RBMS3: variants seen among roughly 807,000 people sequenced by gnomAD.
RBMS3 encodes RNA-binding motif, single-stranded-interacting protein 3.
RBMS3 carries 27 observed loss-of-function variants against 66.8 expected under a neutral mutation model. The observed-to-expected ratio is 0.40, with a 90% CI of 0.30 to 0.56. The LOEUF (loss-of-function observed/expected upper bound fraction) is 0.56. Among genes scored for constraint, RBMS3 ranks in the 20% least tolerant of loss-of-function variants. The pLI, the probability that RBMS3 is intolerant of heterozygous loss-of-function variation, is 0.40. For missense variants in RBMS3, 513 were observed against 549.5 expected (o/e 0.93, Z 0.66); for synonymous variants, 188 against 183.0 (o/e 1.03, Z -0.22).
intron 5 of RBMS3, among the ~76,000 whole-genome samples, chr3:29,758,324 C>A (rs763035634): frequency 6.6e-6 from 1 of 152,180 alleles, no homozygotes; most frequent in Non-Finnish European, 1.5e-5. Context: ...GACAACAGTT[C>A]TATTCCAGGC....
intron 6 of RBMS3, among the ~76,000 whole-genome samples, chr3:29,801,124 ATTAT>A (rs2057374764): frequency 6.6e-6 from 1 of 152,078 alleles, no homozygotes; most frequent in Admixed American, 6.6e-5. Context: ...GAAGTTTTAC[ATTAT>A]TTATTTAAAG....
At chr3:29,367,548 G>C (rs1171281586) in intron 1 of RBMS3, among the ~76,000 whole-genome samples, 1 of 152,018 alleles carries the variant, frequency 6.6e-6, no homozygotes, top group African/African-American at 2.4e-5. Context: ...TTTATAATCA[G>C]AAACACATAA....
chr3:29,607,463 T>C (rs1411711942), intron 4 of RBMS3, among the ~76,000 whole-genome samples: 1 of 151,888 alleles, frequency 6.6e-6, no homozygotes, highest in Non-Finnish European at 1.5e-5. Context: ...TTTATAAGGA[T>C]ATTATTCCCA....
chr3:29,528,355 T>A (rs1433299016), intron 3 of RBMS3, among the ~76,000 whole-genome samples: 1 of 151,916 alleles, frequency 6.6e-6, no homozygotes, highest in Non-Finnish European at 1.5e-5. Context: ...TCAAGTGATC[T>A]GCCTGCCTTG....
At chr3:29,480,939 A>G (rs1019105215) in intron 2 of RBMS3, among the ~76,000 whole-genome samples, 1 of 152,180 alleles carries the variant, frequency 6.6e-6, no homozygotes, top group Non-Finnish European at 1.5e-5. Flanking sequence ...CTTTTGAGAC[A>G]GGAGAATGGC....
chr3:29,998,657 C>A (rs1244733059), intron 14 of RBMS3, among the ~76,000 whole-genome samples: 1 of 152,148 alleles, frequency 6.6e-6, no homozygotes, highest in South Asian at 2.1e-4. Context: ...CAAAAACAAG[C>A]AATGGGGAAA....
intron 3 of RBMS3, among the ~76,000 whole-genome samples, chr3:29,545,119 A>C (rs1387664806): frequency 6.6e-6 from 1 of 152,168 alleles, no homozygotes; most frequent in Non-Finnish European, 1.5e-5. Flanking sequence ...TAAGAAATAA[A>C]TTATGTATAT....
chr3:29,959,859 C>T (rs1270159878), intron 12 of RBMS3, among the ~76,000 whole-genome samples: 3 of 152,038 alleles, frequency 2.0e-5, no homozygotes, highest in African/African-American at 7.2e-5. Flanking sequence ...AGGAACTGCC[C>T]CATGATTCAA....
At chr3:29,955,532 TA>T (rs929520724) in intron 12 of RBMS3, among the ~76,000 whole-genome samples, 5 of 151,930 alleles carry the variant, frequency 3.3e-5, no homozygotes, top group East Asian at 1.9e-4. Context: ...TGGATTAAGC[TA>T]AAAAAAAGCT....
chr3:29,521,577 A>G (rs900770609), intron 3 of RBMS3, among the ~76,000 whole-genome samples: 2 of 152,188 alleles, frequency 1.3e-5, no homozygotes, highest in African/African-American at 4.8e-5. Context: ...ATACCAGAAA[A>G]TTGAGTCCAG....
chr3:29,625,489 T>G (rs995451617), intron 4 of RBMS3, among the ~76,000 whole-genome samples: 1 of 151,762 alleles, frequency 6.6e-6, no homozygotes, highest in Non-Finnish European at 1.5e-5. Context: ...AGGTCAGGAG[T>G]TCGAGACCAG....
intron 4 of RBMS3, among the ~76,000 whole-genome samples, chr3:29,698,854 G>C (rs1576552175): frequency 6.6e-6 from 1 of 152,020 alleles, no homozygotes; most frequent in Admixed American, 6.5e-5. Context: ...CCATATTAAA[G>C]ACTATTATAA....
chr3:29,446,806 T>C (rs1315274887), intron 2 of RBMS3, among the ~76,000 whole-genome samples: 2 of 152,070 alleles, frequency 1.3e-5, no homozygotes, highest in Non-Finnish European at 2.9e-5. Context: ...AATCTATAGA[T>C]TGAATTTGAC....
intron 6 of RBMS3, among the ~76,000 whole-genome samples, chr3:29,773,683 C>T (rs1379881020): frequency 3.3e-5 from 5 of 152,102 alleles, no homozygotes; most frequent in Non-Finnish European, 7.4e-5. Flanking sequence ...AGGTAGACTG[C>T]CCTTAGGCTG....
rs571315316 is a variant in RBMS3, at chr3:29,998,570, A to G, written c.1308-5286A>G. ...ATGGTACTGGTACCAAAACAGAGAT[A>G]CAGACCAATGGAACAGAACAGAGCC... is the stretch of plus-strand genomic sequence containing the variant. On this transcript the variant is annotated intron_variant, in intron 14 of 14. Coordinates refer to ENST00000383767, the MANE Select transcript of RBMS3 (RefSeq NM_001003793.3). Among the ~76,000 whole-genome samples, 9 of 152,342 alleles carry G rather than the reference A, an allele frequency of 5.9e-5. No individual in the cohort carries two copies. The South Asian group carries it at 1.5e-3, about 25-fold the overall frequency.
At chr3:29,617,931 C>A (rs115894032) in intron 4 of RBMS3, among the ~76,000 whole-genome samples, 2,094 of 152,094 alleles carry the variant, frequency 0.014, 32 homozygotes, top group African/African-American at 0.04. Context: ...GTCATGGGAG[C>A]GTGTATGTAT....
At chr3:29,804,920 C>CGTGTGTGTGTGTGTGT (rs10576635) in intron 6 of RBMS3, among the ~76,000 whole-genome samples, 8 of 146,328 alleles carry the variant, frequency 5.5e-5, no homozygotes, top group African/African-American at 2.0e-4. Flanking sequence ...TCTGCGTGTA[C>CGTGTGTGTGTGTGTGT]GTGTGTGTGT....
At chr3:29,731,142 TG>T in intron 4 of RBMS3, 5 of 534,898 alleles carry the variant, frequency 9.3e-6, no homozygotes, top group Non-Finnish European at 1.2e-5. Flanking sequence ...AAATGATCAG[TG>T]GTTCAACACT....
intron 6 of RBMS3, among the ~76,000 whole-genome samples, chr3:29,792,494 T>C (rs1251354070): frequency 6.6e-6 from 1 of 152,192 alleles, no homozygotes; most frequent in Non-Finnish European, 1.5e-5. Context: ...TACCTTGGGC[T>C]GTCTTAAAAA....
Sources: gnomAD v4.1 joint callset for allele counts (sites outside exome capture counted in the v4.1 genomes callset) on GRCh38, gnomAD v4.1.1 for gene constraint, MANE v1.5 for transcripts, NCBI Gene and HGNC (gene_info 2026-07-23, HGNC 2026-07-21) for gene names.